The following WWOX variants were observed in gnomAD, a reference collection of about 807,000 sequenced individuals.
WWOX encodes the protein WW domain-containing oxidoreductase.
WWOX carries 69 observed loss-of-function variants against 46.2 expected under a neutral mutation model. The ratio of observed to expected loss-of-function variants is 1.49; its 90% CI spans 1.23 to 1.82. The LOEUF is 1.82. Ranked by LOEUF, WWOX falls within the 40% of genes most tolerant of loss-of-function variation. The probability of loss-of-function intolerance (pLI) is 0.00; values close to 1 mark genes in which losing one functional copy is unlikely to be tolerated. For synonymous variants in WWOX, 359 were observed against 202.6 expected (o/e 1.77, Z -6.56); for missense variants, 919 against 542.6 (o/e 1.69, Z -6.89).
At chr16:78,589,434 C>T (rs1046587248) in intron 8 of WWOX, among the ~76,000 whole-genome samples, 5 of 152,068 alleles carry the variant, frequency 3.3e-5, no homozygotes, top group African/African-American at 1.2e-4. Context: ...GGGGCTGATG[C>T]CTTCTTTCAC....
chr16:78,120,166 C>CTA (rs1235798955), intron 4 of WWOX, among the ~76,000 whole-genome samples: 2 of 152,004 alleles, frequency 1.3e-5, no homozygotes, highest in Non-Finnish European at 2.9e-5. Flanking sequence ...TTACATGGAC[C>CTA]TATATATATG....
At chr16:78,916,972 C>A (rs905961140) in intron 8 of WWOX, among the ~76,000 whole-genome samples, 1 of 152,106 alleles carries the variant, frequency 6.6e-6, no homozygotes, top group Non-Finnish European at 1.5e-5. Flanking sequence ...CTCTTTTCAT[C>A]CCTTGGTTTT....
At chr16:78,650,056 A>C (rs976232113) in intron 8 of WWOX, among the ~76,000 whole-genome samples, 2 of 152,188 alleles carry the variant, frequency 1.3e-5, no homozygotes, top group Non-Finnish European at 2.9e-5. Flanking sequence ...TTATCTGTGT[A>C]ACTGTCGTAG....
chr16:79,046,019 C>G (rs1305294782), intron 8 of WWOX, among the ~76,000 whole-genome samples: 1 of 151,906 alleles, frequency 6.6e-6, no homozygotes, highest in Non-Finnish European at 1.5e-5. Context: ...CCAGGCTGGC[C>G]TCGAGCTCCT....
chr16:78,947,051 G>A (rs1022713253), intron 8 of WWOX, among the ~76,000 whole-genome samples: 1 of 107,668 alleles, frequency 9.3e-6, no homozygotes, highest in African/African-American at 2.8e-5. Context: ...AGTTAAAAAA[G>A]AAAGTTTCTT....
chr16:79,124,429 C>T (rs1051046871), intron 8 of WWOX, among the ~76,000 whole-genome samples: 2 of 152,054 alleles, frequency 1.3e-5, no homozygotes, highest in Non-Finnish European at 2.9e-5. Context: ...ACCGAGGTTC[C>T]TCATCATGAT....
At chr16:78,194,298 A>G (rs983883898) in intron 5 of WWOX, among the ~76,000 whole-genome samples, 1 of 152,008 alleles carries the variant, frequency 6.6e-6, no homozygotes, top group Admixed American at 6.6e-5. Flanking sequence ...TAATTAAAAA[A>G]TAAGATTGGC....
At chr16:79,150,724 C>G (rs1329752663) in intron 8 of WWOX, among the ~76,000 whole-genome samples, 1 of 152,188 alleles carries the variant, frequency 6.6e-6, no homozygotes, top group Non-Finnish European at 1.5e-5. Flanking sequence ...CCAGGCCACC[C>G]TGGAACTCCT....
chr16:78,992,151 TC>T (rs1216977210), intron 8 of WWOX, among the ~76,000 whole-genome samples: 1 of 152,200 alleles, frequency 6.6e-6, no homozygotes, highest in African/African-American at 2.4e-5. Flanking sequence ...CTTGAGGCAT[TC>T]ACAGGTAAAG....
chr16:78,619,716 G>A (rs1409705683), intron 8 of WWOX, among the ~76,000 whole-genome samples: 2 of 151,842 alleles, frequency 1.3e-5, no homozygotes, highest in Non-Finnish European at 1.5e-5. Flanking sequence ...ACCAGCCTGG[G>A]CAACATCATG....
At chr16:79,125,721 G>A (rs2049738523) in intron 8 of WWOX, among the ~76,000 whole-genome samples, 1 of 152,202 alleles carries the variant, frequency 6.6e-6, no homozygotes, top group South Asian at 2.1e-4. Context: ...TCCCTGATCT[G>A]GAGGAACATA....
chr16:78,691,103 T>C lies in WWOX; in HGVS notation c.1056+258351T>C, dbSNP rs954145300. 1.5e-5 allele frequency: 9 copies of C among 620,290 alleles called. No individual in the cohort carries two copies. In the East Asian group the frequency reaches 2.5e-4, roughly 17 times the overall value. The allele number at this position is 620,290 out of a possible 1,614,324, so 38.4% of individuals were successfully genotyped here. A position where few individuals can be genotyped will look rare whatever the true frequency, so the allele number is the denominator to read the frequency against. Reference sequence around the variant, plus strand: ...GACTTCTTTTTGAAAGTAAGAGTGCTTTGAATACCAGTCGTTATTGCTTTA... The same window carrying C: ...GACTTCTTTTTGAAAGTAAGAGTGCCTTGAATACCAGTCGTTATTGCTTTA... On this transcript the variant is annotated intron_variant, in intron 8 of 8. Transcript: ENST00000566780.
intron 8 of WWOX, among the ~76,000 whole-genome samples, chr16:78,886,869 T>C (rs1597107176): frequency 2.0e-5 from 3 of 152,190 alleles, no homozygotes; most frequent in Admixed American, 6.5e-5. Flanking sequence ...TATGGGATTG[T>C]GATGCACAGA....
Position 78,912,975 on chromosome 16 carries a change from T to A in WWOX, c.1057-298633T>A, listed in dbSNP as rs554386610. ...CCATTCTGAGGGCTCCACAAAGAAC[T>A]CGGCATCCCAGAAGGATGATTAGCC... On this transcript the variant is annotated intron_variant, in intron 8 of 8. Transcript: ENST00000566780. Among the ~76,000 whole-genome samples the A allele has an allele frequency of 3.3e-5, 5 of 152,062 alleles. 1 individual carries two copies. Among genetic ancestry groups the A allele is most frequent in the Admixed American group, 2.0e-4 (3 of 15,264 alleles).
chr16:78,655,810 T>G (rs2047067520), intron 8 of WWOX, among the ~76,000 whole-genome samples: 1 of 152,200 alleles, frequency 6.6e-6, no homozygotes, highest in South Asian at 2.1e-4. Flanking sequence ...GAAGCCTTAT[T>G]TAGAAGTTAG....
intron 5 of WWOX, among the ~76,000 whole-genome samples, chr16:78,217,803 G>A (rs571934185): frequency 6.6e-5 from 10 of 152,164 alleles, no homozygotes; most frequent in East Asian, 3.9e-4. Flanking sequence ...TGTGCAGGCC[G>A]TGGAGACTCA....
chr16:78,345,730 A>G (rs1308603670), intron 5 of WWOX, among the ~76,000 whole-genome samples: 1 of 115,608 alleles, frequency 8.6e-6, no homozygotes. Context: ...TGAAATGGCC[A>G]TTAATACTGC....
In WWOX at chr16:78,820,594, T is replaced by C. The variant is rs192303262; in HGVS notation, c.1056+387842T>C. ...ATTAGTGTGGCCCTTCCTTGAAATATAATGACAACCTTGGTGAAAGCAAGA... is the reference window on the plus strand; with the variant it reads ...ATTAGTGTGGCCCTTCCTTGAAATACAATGACAACCTTGGTGAAAGCAAGA... On this transcript the variant is annotated intron_variant, in intron 8 of 8. Transcript: ENST00000566780. Among the ~76,000 whole-genome samples, 333 of 152,246 alleles carry C rather than the reference T, an allele frequency of 2.2e-3. 2 individuals are homozygous for C. The highest frequency in any genetic ancestry group is 7.5e-3 in the African/African-American group (312 of 41,538).
chr16:78,713,472 C>T (rs988199054), intron 8 of WWOX, among the ~76,000 whole-genome samples: 9 of 152,028 alleles, frequency 5.9e-5, no homozygotes, highest in African/African-American at 2.2e-4. Context: ...CCCTAATTCA[C>T]AGTACCTCAT....
Sources: allele counts gnomAD v4.1 joint callset (sites outside exome capture counted in the v4.1 genomes callset), GRCh38; gene constraint gnomAD v4.1.1; transcripts MANE v1.5; gene names NCBI Gene and HGNC (gene_info 2026-07-23, HGNC 2026-07-21).